Variants in GALNT1 observed in about 807,000 individuals in gnomAD.
GALNT1 encodes the protein GalNAc transferase 1.
A neutral mutation model predicts 65.7 loss-of-function variants in GALNT1; 17 were observed. That is an observed-to-expected ratio of 0.26 (90% CI 0.18 to 0.39). GALNT1 has a LOEUF of 0.39. GALNT1 is among the 10% of genes least tolerant of loss of function. The pLI, the probability that GALNT1 is intolerant of heterozygous loss-of-function variation, is 1.00. For missense variants in GALNT1, 460 were observed against 672.8 expected, an observed-to-expected ratio of 0.68 and a Z score of 3.50; for synonymous variants, 210 against 219.7, an observed-to-expected ratio of 0.96 and a Z score of 0.39.
chr18:35,600,987 T>C (rs1056538424), intron 1 of GALNT1, among the ~76,000 whole-genome samples: 3 of 149,816 alleles, frequency 2.0e-5, no homozygotes, highest in African/African-American at 7.5e-5. Flanking sequence ...TCCTTCTCTT[T>C]ACTTTTTTGG....
chr18:35,643,135 G>T (rs1314897354), intron 1 of GALNT1, among the ~76,000 whole-genome samples: 1 of 152,008 alleles, frequency 6.6e-6, no homozygotes. Context: ...AGAATCATGA[G>T]CCCGGCAGCC....
chr18:35,615,058 A>G (rs960588668), intron 1 of GALNT1, among the ~76,000 whole-genome samples: 2 of 152,130 alleles, frequency 1.3e-5, no homozygotes, highest in African/African-American at 4.8e-5. Flanking sequence ...TGCTATTAAA[A>G]AAAACACCCA....
chr18:35,655,338 A>G (rs2047367927), intron 2 of GALNT1, among the ~76,000 whole-genome samples: 3 of 151,116 alleles, frequency 2.0e-5, no homozygotes, highest in African/African-American at 7.3e-5. Context: ...TAGAGGCTGC[A>G]GTGAGATCAT....
chr18:35,704,050 A>G (rs1198231339), intron 11 of GALNT1, among the ~76,000 whole-genome samples: 1 of 152,252 alleles, frequency 6.6e-6, no homozygotes, highest in Non-Finnish European at 1.5e-5. Context: ...CATATATGAC[A>G]GAACCTTTCC....
chr18:35,631,295 C>T (rs1369750402), intron 1 of GALNT1, among the ~76,000 whole-genome samples: 1 of 151,990 alleles, frequency 6.6e-6, no homozygotes, highest in Non-Finnish European at 1.5e-5. Flanking sequence ...AACATTGATG[C>T]AAAAATCCTC....
intron 1 of GALNT1, among the ~76,000 whole-genome samples, chr18:35,591,427 C>G (rs1432161957): frequency 6.6e-6 from 1 of 152,212 alleles, no homozygotes; most frequent in African/African-American, 2.4e-5. Context: ...AAGCACAATT[C>G]TAAGTGCTGT....
At chr18:35,600,527 A>G (rs1413111339) in intron 1 of GALNT1, among the ~76,000 whole-genome samples, 1 of 152,044 alleles carries the variant, frequency 6.6e-6, no homozygotes, top group Non-Finnish European at 1.5e-5. Context: ...TTTCTTTTTG[A>G]ATTGCTCTGG....
chr18:35,654,985 T>C (rs2047362793), intron 2 of GALNT1, among the ~76,000 whole-genome samples, 184 bp downstream of exon 2: 1 of 152,186 alleles, frequency 6.6e-6, no homozygotes, highest in Non-Finnish European at 1.5e-5. Context: ...AGCATGAAAG[T>C]ATCATATATA....
intron 1 of GALNT1, among the ~76,000 whole-genome samples, chr18:35,648,542 TTAAAAA>T (rs949960600): frequency 2.6e-5 from 4 of 152,220 alleles, no homozygotes; most frequent in African/African-American, 9.7e-5. Context: ...TTTTATAACT[TTAAAAA>T]TAAGTAGTTA....
chr18:35,643,829 C>T (rs1222001975), intron 1 of GALNT1, among the ~76,000 whole-genome samples: 1 of 151,682 alleles, frequency 6.6e-6, no homozygotes, highest in East Asian at 1.9e-4. Context: ...CACATATCTA[C>T]TATTCTGAAT....
chr18:35,699,217 G>A (rs1426507682), intron 9 of GALNT1, among the ~76,000 whole-genome samples: 1 of 152,136 alleles, frequency 6.6e-6, no homozygotes, highest in Non-Finnish European at 1.5e-5. Flanking sequence ...TCATAGGGAT[G>A]TATCATATCA....
rs1192056252 is a variant in GALNT1 at position 35,710,583 on chromosome 18, T to C, written c.*813T>C. The stretch of plus-strand genomic sequence containing the variant: ...TTAATTGCCTTCTAAAAAATGGAAA[T>C]TTAACAATGTCTGATCTCAGCTGAA... On this transcript the variant is annotated 3_prime_UTR_variant, in exon 12 of 12. Transcript: ENST00000269195. 6.6e-6 allele frequency: 1 copy of C among 152,370 alleles called. No homozygotes were observed. Among genetic ancestry groups the C allele is most frequent in the Non-Finnish European group, 1.5e-5 (1 of 68,024 alleles). The allele number at this position is 152,370 out of a possible 1,614,324, so 9.4% of individuals were successfully genotyped here. A position where few individuals can be genotyped will look rare whatever the true frequency, so the allele number is the denominator to read the frequency against.
chr18:35,605,326 C>T (rs999651269), intron 1 of GALNT1, among the ~76,000 whole-genome samples: 4 of 151,876 alleles, frequency 2.6e-5, no homozygotes, highest in Non-Finnish European at 5.9e-5. Flanking sequence ...GGTGAAACCC[C>T]GTCTCTACTA....
intron 2 of GALNT1, among the ~76,000 whole-genome samples, chr18:35,662,346 A>AT (rs1219544234): frequency 3.3e-5 from 5 of 152,256 alleles, no homozygotes; most frequent in Non-Finnish European, 7.3e-5. Context: ...AATGTTCCAC[A>AT]TAAAATCCCA....
In GALNT1 at chr18:35,703,006, T is replaced by C. The variant is rs2144742403; in HGVS notation, c.1398+11T>C. On this transcript the variant is annotated intron_variant, in intron 10 of 11. Coordinates refer to ENST00000269195, the MANE Select transcript of GALNT1 (RefSeq NM_020474.4). ...ATGGGGGGTAATCAGGTGAGTATCT[T>C]AGAAAACTCTTAAAAGGGATAATTT... is the stretch of plus-strand genomic sequence containing the variant. The C allele has an allele frequency of 2.0e-6, 3 of 1,502,682 alleles. No homozygotes were observed. Among genetic ancestry groups the C allele is most frequent in the Non-Finnish European group, 2.7e-6 (3 of 1,101,006 alleles). The allele number at this position is 1,502,682 out of a possible 1,614,324, so 93.1% of individuals were successfully genotyped here. A position where few individuals can be genotyped will look rare whatever the true frequency, so the allele number is the denominator to read the frequency against.
chr18:35,653,757 A>C (rs2047340273), intron 1 of GALNT1, among the ~76,000 whole-genome samples: 1 of 152,160 alleles, frequency 6.6e-6, no homozygotes, highest in East Asian at 1.9e-4. Context: ...CCATTCCTCT[A>C]GTCATTTTCT....
At chr18:35,600,621 G>GT (rs1363751359) in intron 1 of GALNT1, among the ~76,000 whole-genome samples, 2 of 152,136 alleles carry the variant, frequency 1.3e-5, no homozygotes, top group Non-Finnish European at 2.9e-5. Flanking sequence ...AAAGGCTTCA[G>GT]TTTTTTCCCA....
At chr18:35,646,747 T>TCTGTTTGTTTCTGTTTGTG (rs1568023148) in intron 1 of GALNT1, among the ~76,000 whole-genome samples, 4 of 152,216 alleles carry the variant, frequency 2.6e-5, no homozygotes, top group African/African-American at 9.6e-5. Flanking sequence ...GTGTTTCTTT[T>TCTGTTTGTTTCTGTTTGTG]AGTCTGTCTG....
chr18:35,598,407 T>C (rs1598780562), intron 1 of GALNT1, among the ~76,000 whole-genome samples: 1 of 152,172 alleles, frequency 6.6e-6, no homozygotes, highest in African/African-American at 2.4e-5. Context: ...TCCCAGCCTC[T>C]GGTAACCATC....
Sources: allele counts gnomAD v4.1 joint callset (sites outside exome capture counted in the v4.1 genomes callset), GRCh38; gene constraint gnomAD v4.1.1; transcripts MANE v1.5; gene names NCBI Gene and HGNC (gene_info 2026-07-23, HGNC 2026-07-21).